Variants in SLC35F4 observed in about 807,000 individuals in gnomAD.
The protein encoded by SLC35F4 is chromosome 14 open reading frame 36.
A neutral mutation model predicts 44.2 loss-of-function variants in SLC35F4; 24 were observed. That is an observed-to-expected ratio of 0.54 (90% CI 0.39 to 0.76). The LOEUF (loss-of-function observed/expected upper bound fraction) is 0.76. Among genes scored for constraint, SLC35F4 ranks in the 30% least tolerant of loss-of-function variants. The probability of loss-of-function intolerance (pLI) is 0.00; values close to 1 mark genes in which losing one functional copy is unlikely to be tolerated. For missense variants in SLC35F4, 562 were observed against 586.1 expected (o/e 0.96, Z 0.42); for synonymous variants, 238 against 223.6 (o/e 1.06, Z -0.57).
chr14:57,697,322 G>A (rs2140353159), intron 1 of SLC35F4, among the ~76,000 whole-genome samples: 1 of 152,192 alleles, frequency 6.6e-6, no homozygotes. Context: ...TGGTCAAAGA[G>A]CATAATTAGC....
intron 3 of SLC35F4, among the ~76,000 whole-genome samples, chr14:57,584,074 C>T (rs1176948564): frequency 6.6e-6 from 1 of 151,556 alleles, no homozygotes; most frequent in Non-Finnish European, 1.5e-5. Flanking sequence ...TTTATAGGTG[C>T]CTGACATAGG....
chr14:57,853,920 T>C (rs1886831025), intron 1 of SLC35F4, among the ~76,000 whole-genome samples: 1 of 152,190 alleles, frequency 6.6e-6, no homozygotes, highest in South Asian at 2.1e-4. Context: ...CTAGTTCAAG[T>C]GGAGTCTTGT....
intron 6 of SLC35F4, among the ~76,000 whole-genome samples, chr14:57,568,175 G>A (rs911803729): frequency 2.6e-5 from 4 of 152,262 alleles, no homozygotes; most frequent in Non-Finnish European, 5.9e-5. Flanking sequence ...TGGTAGAGCA[G>A]CTGCAGTGCT....
chr14:57,933,669 T>C (rs1475965501), intron 1 of SLC35F4, among the ~76,000 whole-genome samples: 1 of 152,170 alleles, frequency 6.6e-6, no homozygotes, highest in East Asian at 1.9e-4. Flanking sequence ...CATCTCCTCA[T>C]TGAAATCAAT....
intron 1 of SLC35F4, among the ~76,000 whole-genome samples, chr14:57,852,462 T>C (rs138912963): frequency 5.8e-4 from 88 of 152,324 alleles, no homozygotes; most frequent in African/African-American, 2.0e-3. Flanking sequence ...AGGAGGCCAC[T>C]AACGACTTTA....
intron 1 of SLC35F4, among the ~76,000 whole-genome samples, chr14:57,731,578 T>G (rs2076346085): frequency 6.6e-6 from 1 of 152,240 alleles, no homozygotes. Flanking sequence ...CAGGCAAGAT[T>G]GTCAGGTAGT....
At chr14:57,925,852 C>T (rs1889559477) in intron 1 of SLC35F4, among the ~76,000 whole-genome samples, 1 of 152,094 alleles carries the variant, frequency 6.6e-6, no homozygotes, top group African/African-American at 2.4e-5. Context: ...ACTCTTGTCA[C>T]CACCATCTCT....
chr14:57,971,236 C>T (rs538991755), intron 1 of SLC35F4, among the ~76,000 whole-genome samples: 5 of 152,328 alleles, frequency 3.3e-5, no homozygotes, highest in African/African-American at 1.2e-4. Flanking sequence ...ACAATTTCCT[C>T]TCTTTAATAA....
At chr14:57,583,545 G>A (rs1194565938) in intron 3 of SLC35F4, among the ~76,000 whole-genome samples, 1 of 152,182 alleles carries the variant, frequency 6.6e-6, no homozygotes, top group African/African-American at 2.4e-5. Context: ...ATCCCACAGG[G>A]AAGACCAACA....
chr14:57,851,186 C>T (rs55788400), intron 1 of SLC35F4, among the ~76,000 whole-genome samples: 45,215 of 151,944 alleles, frequency 0.3, 8,771 homozygotes, highest in East Asian at 0.71. Flanking sequence ...TAAAATTTAC[C>T]TTTAAATAAA....
At position 57,593,921 on chromosome 14, in the gene SLC35F4, A is replaced by G. The variant is rs2070340694; in HGVS notation, c.289+18T>C. 6.2e-7 allele frequency: 1 copy of G among 1,611,656 alleles called. No individual in the cohort carries two copies. Among genetic ancestry groups the G allele is most frequent in the Non-Finnish European group, 8.5e-7 (1 of 1,178,970 alleles). ...TTACTAGGATGTACCGTTATTTAAG[A>G]GGAGGTCACCCACATACCTGATCTG... On this transcript the variant is annotated intron_variant, in intron 2 of 7. Coordinates refer to ENST00000556826, the MANE Select transcript of SLC35F4 (RefSeq NM_001306087.2).
chr14:57,584,497 C>T (rs965953694), intron 3 of SLC35F4, among the ~76,000 whole-genome samples: 1 of 152,050 alleles, frequency 6.6e-6, no homozygotes, highest in Non-Finnish European at 1.5e-5. Context: ...AAAAAAAGAT[C>T]GAGAATCTAA....
intron 1 of SLC35F4, among the ~76,000 whole-genome samples, chr14:57,691,846 C>G (rs966124991): frequency 6.6e-6 from 1 of 152,030 alleles, no homozygotes; most frequent in Non-Finnish European, 1.5e-5. Flanking sequence ...AACAATGCTA[C>G]GGGGGTGGAG....
intron 1 of SLC35F4, among the ~76,000 whole-genome samples, chr14:57,864,219 A>G (rs557968782): frequency 6.6e-6 from 1 of 152,328 alleles, no homozygotes; most frequent in African/African-American, 2.4e-5. Flanking sequence ...TAATTTCCAC[A>G]AGATATATTA....
At chr14:57,713,106 T>C (rs1354167642) in intron 1 of SLC35F4, among the ~76,000 whole-genome samples, 1 of 152,210 alleles carries the variant, frequency 6.6e-6, no homozygotes, top group Non-Finnish European at 1.5e-5. Flanking sequence ...ATTCTCCCAA[T>C]TAAATGTTTC....
At chr14:57,782,925 C>A (rs2077661650) in intron 1 of SLC35F4, among the ~76,000 whole-genome samples, 1 of 152,070 alleles carries the variant, frequency 6.6e-6, no homozygotes, top group African/African-American at 2.4e-5. Flanking sequence ...TTGAAGTCTG[C>A]AGCTGTGGTT....
intron 1 of SLC35F4, among the ~76,000 whole-genome samples, chr14:57,783,265 T>C (rs560142108): frequency 1.7e-5 from 2 of 118,282 alleles, no homozygotes; most frequent in East Asian, 4.0e-4. Flanking sequence ...GGTTTAACAA[T>C]TTTTTAAAAT....
chr14:57,846,226 A>G (rs1198873761), intron 1 of SLC35F4, among the ~76,000 whole-genome samples: 1 of 152,204 alleles, frequency 6.6e-6, no homozygotes, highest in African/African-American at 2.4e-5. Flanking sequence ...AACATGATCA[A>G]ATCAGAACAC....
chr14:57,671,541 C>T (rs929399831), intron 1 of SLC35F4, among the ~76,000 whole-genome samples: 1 of 152,044 alleles, frequency 6.6e-6, no homozygotes, highest in Admixed American at 6.5e-5. Context: ...TTATTATCTG[C>T]TAACTGAAGA....
Sources: gnomAD v4.1 joint callset for allele counts (sites outside exome capture counted in the v4.1 genomes callset) on GRCh38, gnomAD v4.1.1 for gene constraint, MANE v1.5 for transcripts, NCBI Gene and HGNC (gene_info 2026-07-23, HGNC 2026-07-21) for gene names.